The following POLR1B variants were observed in gnomAD, a reference collection of about 807,000 sequenced individuals.
The protein encoded by POLR1B is RNA polymerase I subunit B, also known as DNA-directed RNA polymerase I subunit RPA2.
In POLR1B, 30 loss-of-function variants were observed where a neutral mutation model predicts 105.8. The ratio of observed to expected loss-of-function variants is 0.28; its 90% confidence interval spans 0.21 to 0.38. POLR1B has a LOEUF of 0.38. Ranked by LOEUF, POLR1B falls within the 10% of genes least tolerant of loss-of-function variation. POLR1B has a pLI of 1.00. For synonymous variants in POLR1B, 485 were observed against 505.1 expected (o/e 0.96, Z 0.53); for missense variants, 976 against 1,435.8 (o/e 0.68, Z 5.17).
rs1684874598 is a variant in POLR1B, at chr2:112,576,663, A to C, written c.*934A>C. 1 of 152,196 alleles carries C rather than the reference A, an allele frequency of 6.6e-6. No homozygotes were observed. The highest frequency in any genetic ancestry group is 6.5e-5 in the Admixed American group (1 of 15,268). 9.4% of individuals were successfully genotyped at this position (152,196 alleles called of 1,614,324 possible). ...GTGAAATAAGATTCATCCATTTTGG[A>C]AGCCAGGCATGGTGCTGTGCATCTA... On this transcript the variant is annotated 3_prime_UTR_variant, in exon 15 of 15. Coordinates refer to ENST00000263331, the MANE Select transcript of POLR1B (RefSeq NM_019014.6).
Position 112,559,587 on chromosome 2 carries a change from C to T in POLR1B, c.1612+13C>T. ...CTGTGCAACTTGGGTATGTAGTGTA[C>T]AGTGATAAACATCTTGTTTGGTTAT... On this transcript the variant is annotated intron_variant, in intron 9 of 14. Coordinates refer to ENST00000263331, the MANE Select transcript of POLR1B (RefSeq NM_019014.6). 9 of 1,599,268 alleles carry T rather than the reference C, an allele frequency of 5.6e-6. No individual in the cohort carries two copies. In the South Asian group the frequency reaches 7.7e-5, roughly 14 times the overall value.
intron 7 of POLR1B, among the ~76,000 whole-genome samples, chr2:112,554,176 A>T (rs2104527765): frequency 6.6e-6 from 1 of 152,034 alleles, no homozygotes; most frequent in East Asian, 1.9e-4. Flanking sequence ...TCTGTCTCCC[A>T]GGCTGGAGTG....
chr2:112,578,979 G>A lies in POLR1B; in HGVS notation c.*3250G>A, dbSNP rs1026871060. Among the ~76,000 whole-genome samples the A allele has an allele frequency of 6.6e-6, 1 of 151,980 alleles. No individual in the cohort carries two copies. Among genetic ancestry groups the A allele is most frequent in the Admixed American group, 6.5e-5 (1 of 15,268 alleles). On this transcript the variant is annotated 3_prime_UTR_variant, in exon 15 of 15. Coordinates refer to ENST00000263331, the MANE Select transcript of POLR1B (RefSeq NM_019014.6). ...TCCCAGGACTTTGGCAGGCTGAGGT[G>A]TGCAGATCACTTGAGGTCAGGAGTT...
intron 7 of POLR1B, among the ~76,000 whole-genome samples, chr2:112,554,353 G>A (rs1683537024): frequency 1.3e-5 from 2 of 151,808 alleles, no homozygotes. Flanking sequence ...GGCTGGTCTC[G>A]AACTCCTGAC....
At chr2:112,543,565 T>C (rs1158315652) in intron 1 of POLR1B, among the ~76,000 whole-genome samples, 1 of 152,188 alleles carries the variant, frequency 6.6e-6, no homozygotes. Context: ...AGTCACATGC[T>C]TCGGGGACCC....
chr2:112,551,704 A>G (rs1683374102), intron 5 of POLR1B, 71 bp from the exon 6 acceptor site: 2 of 1,259,922 alleles, frequency 1.6e-6, no homozygotes, highest in Admixed American at 4.5e-5. Context: ...ATGAGAGAAG[A>G]TAATTATTAG....
Position 112,555,446 on chromosome 2 carries a change from A to G in POLR1B, c.1159-2464A>G, listed in dbSNP as rs183033240. On this transcript the variant is annotated intron_variant, in intron 7 of 14. Coordinates refer to ENST00000263331, the MANE Select transcript of POLR1B (RefSeq NM_019014.6). Reference sequence around the variant, plus strand: ...ACTTGAGCCCAGGAGTTTGAGATCAATCTGGGCAAACAGCCCAGAGACAAA... The same window carrying G: ...ACTTGAGCCCAGGAGTTTGAGATCAGTCTGGGCAAACAGCCCAGAGACAAA... 6.6e-5 allele frequency among the ~76,000 whole-genome samples: 10 copies of G among 152,276 alleles called. No homozygotes were observed. The East Asian group carries it at 1.4e-3, about 21-fold the overall frequency.
At position 112,564,488 on chromosome 2, in the gene POLR1B, C is replaced by T. The variant is rs756577897; in HGVS notation, c.1735C>T (p.Arg579Cys). 3.1e-6 allele frequency: 5 copies of T among 1,614,222 alleles called. No individual in the cohort carries two copies. The highest frequency in any genetic ancestry group is 1.3e-5 in the African/African-American group (1 of 75,068). The change falls in exon 10 of 15, where the codon CGT becomes TGT. Residue 579 changes from arginine to cysteine, a missense_variant. Around this residue, in one of 12 missense-constraint regions of POLR1B, gnomAD observed 184 missense variants for 197.4 expected, o/e 0.93. Coordinates refer to ENST00000263331, the MANE Select transcript of POLR1B (RefSeq NM_019014.6). ...DLAPGIADSLRHFKVLREKRI... is the reference protein window; with the variant it reads ...DLAPGIADSLCHFKVLREKRI... ...TGCTCCAGGCATCGCAGATTCTCTT[C>T]GTCATTTTAAGGTGGGCTTGAGGCT...
chr2:112,566,764 G>A (rs904570360), intron 10 of POLR1B, among the ~76,000 whole-genome samples: 8 of 147,516 alleles, frequency 5.4e-5, no homozygotes, highest in Non-Finnish European at 1.0e-4. Context: ...GCAGAGTCTC[G>A]CTCTGTCGCC....
rs779354573 is a variant in POLR1B, at chr2:112,552,628, T to C, written c.987-17T>C. The stretch of plus-strand genomic sequence containing the variant: ...AACTGAATTGTTTTAAGCTTTTTTT[T>C]TTTTCTGTTTTCACAGCCAGTGCAT... On this transcript the variant is annotated splice_polypyrimidine_tract_variant and intron_variant, in intron 6 of 14. Transcript: ENST00000263331. The C allele has an allele frequency of 6.5e-6, 10 of 1,538,716 alleles. No homozygotes were observed. The South Asian group carries it at 7.5e-5, about 11-fold the overall frequency.
chr2:112,542,042 G>A, upstream of POLR1B: 2 of 1,461,716 alleles, frequency 1.4e-6, no homozygotes, highest in Non-Finnish European at 1.8e-6. Context: ...CAACGACTTT[G>A]GCCGGATGAC....
rs749349875 is a variant in POLR1B, at chr2:112,575,273, T to C, written c.2952T>C (p.Ser984=). The C allele has an allele frequency of 9.9e-6, 16 of 1,613,700 alleles. No individual in the cohort carries two copies. Among genetic ancestry groups the C allele is most frequent in the Middle Eastern group, 1.6e-4 (1 of 6,084 alleles). Residue 984 remains serine (S), a synonymous_variant, in exon 15 of 15, where the codon AGT becomes AGC. Transcript: ENST00000263331. The surrounding 1 kb of genome is among the most constrained non-coding windows in gnomAD (Gnocchi z 5.3). ...CCGAGAGGTTATATAGTGGCATCAG[T>C]GGGCTAGAACTGGAAGCAGACATCT... is the stretch of plus-strand genomic sequence containing the variant. ...YGTERLYSGI[S]GLELEADIFI...
chr2:112,557,910 GA>G lies in POLR1B; in HGVS notation c.1164del (p.Lys388AsnfsTer6). 7.7e-7 allele frequency: 1 copy of G among 1,296,986 alleles called. No homozygotes were observed. The highest frequency in any genetic ancestry group is 1.0e-6 in the Non-Finnish European group (1 of 1,000,960). 80.3% of individuals were successfully genotyped at this position (1,296,986 alleles called of 1,614,324 possible). Reference protein sequence around the residue: ...PGQLFLMFLKEKLEGWLVSIK... With the variant: ...PGQLFLMFLKXKLEGWLVSIK... ...TATTAATTTTTTTTCCTTATTTCAG[GA>G]AAAACTGGAAGGTTGGTTAGTGTCT... On this transcript the variant is annotated frameshift_variant and splice_region_variant, in exon 8 of 15. Transcript: ENST00000263331. LOFTEE classifies it high-confidence loss of function.
chr2:112,560,544 A>G (rs936194574), intron 9 of POLR1B, among the ~76,000 whole-genome samples: 1 of 152,030 alleles, frequency 6.6e-6, no homozygotes, highest in African/African-American at 2.4e-5. Context: ...TCATACCTAA[A>G]GATGTCAGCC....
chr2:112,565,564 CT>C (rs546293160), intron 10 of POLR1B, among the ~76,000 whole-genome samples: 66 of 144,558 alleles, frequency 4.6e-4, no homozygotes, highest in Middle Eastern at 3.5e-3. Context: ...CTTTTCTTTT[CT>C]TTTTTTTTTT....
chr2:112,561,828 G>A (rs6542062), intron 9 of POLR1B, among the ~76,000 whole-genome samples: 34,777 of 151,886 alleles, frequency 0.23, 4,217 homozygotes, highest in Middle Eastern at 0.27. Context: ...TGTTTTTTCT[G>A]TTTGTTTGTT....
chr2:112,555,160 G>A (rs1248750482), intron 7 of POLR1B, among the ~76,000 whole-genome samples: 5 of 151,302 alleles, frequency 3.3e-5, no homozygotes, highest in African/African-American at 4.9e-5. Context: ...CAGCCTGGGC[G>A]ACAGAGCAAG....
chr2:112,542,338 A>G (rs1682792051), upstream of POLR1B: 5 of 1,546,434 alleles, frequency 3.2e-6, no homozygotes, highest in South Asian at 5.8e-5. Context: ...GACCCCGAGA[A>G]ACCGAAACCG....
At chr2:112,558,194 C>A in intron 8 of POLR1B, 113 bp downstream of exon 8, 1 of 793,794 alleles carries the variant, frequency 1.3e-6, no homozygotes, top group Non-Finnish European at 1.8e-6. Flanking sequence ...AAGTAAATTT[C>A]TCATAACTAT....
Sources: gnomAD v4.1 joint callset for allele counts (sites outside exome capture counted in the v4.1 genomes callset) on GRCh38, gnomAD v4.1.1 for gene constraint, gnomAD v4.1.1 regional missense constraint, Gnocchi (gnomAD v3.1) non-coding constraint, MANE v1.5 for transcripts, NCBI Gene and HGNC (gene_info 2026-07-23, HGNC 2026-07-21) for gene names.